Variants in SGCZ observed in about 807,000 individuals in gnomAD.
SGCZ encodes zeta-sarcoglycan.
SGCZ carries 40 observed loss-of-function variants against 41.3 expected under a neutral mutation model. The observed-to-expected ratio is 0.97, with a 90% CI of 0.75 to 1.26. SGCZ has a LOEUF of 1.26. Among genes scored for constraint, SGCZ ranks in the 50% most tolerant of loss-of-function variants. The pLI is 0.00. For synonymous variants in SGCZ, 206 were observed against 137.5 expected (o/e 1.50, Z -3.49); for missense variants, 552 against 369.8 (o/e 1.49, Z -4.04).
At chr8:14,866,246 T>C (rs914914997) in intron 1 of SGCZ, among the ~76,000 whole-genome samples, 2 of 152,182 alleles carry the variant, frequency 1.3e-5, no homozygotes, top group South Asian at 2.1e-4. Flanking sequence ...GTCTAAGTGA[T>C]AATTTTTTAA....
intron 1 of SGCZ, among the ~76,000 whole-genome samples, chr8:14,909,272 C>G (rs780154706): frequency 6.6e-6 from 1 of 152,106 alleles, no homozygotes; most frequent in Non-Finnish European, 1.5e-5. Context: ...GTGAAGCTAT[C>G]GAAAAATCCT....
intron 1 of SGCZ, among the ~76,000 whole-genome samples, chr8:15,140,732 T>C (rs919607482): frequency 1.3e-5 from 2 of 152,250 alleles, no homozygotes; most frequent in African/African-American, 2.4e-5. Context: ...GCTTTCTTTT[T>C]AGTTCAGATT....
intron 3 of SGCZ, among the ~76,000 whole-genome samples, chr8:14,262,111 A>G (rs1256188157): frequency 2.0e-5 from 3 of 152,206 alleles, no homozygotes; most frequent in African/African-American, 4.8e-5. Flanking sequence ...ATGAGTATCA[A>G]TTAGCAAATG....
chr8:14,646,285 G>C (rs1237043807), intron 1 of SGCZ, among the ~76,000 whole-genome samples: 1 of 151,824 alleles, frequency 6.6e-6, no homozygotes, highest in African/African-American at 2.4e-5. Context: ...TCCCACTTAT[G>C]AGCAAGAACA....
chr8:15,109,624 T>C (rs1806969604), intron 1 of SGCZ, among the ~76,000 whole-genome samples: 1 of 152,146 alleles, frequency 6.6e-6, no homozygotes, highest in Non-Finnish European at 1.5e-5. Context: ...CTAAGTTGGT[T>C]AAACTTGATT....
chr8:14,886,338 A>T (rs1339050381), intron 1 of SGCZ, among the ~76,000 whole-genome samples: 1 of 152,198 alleles, frequency 6.6e-6, no homozygotes, highest in South Asian at 2.1e-4. Flanking sequence ...TTATAAAAAC[A>T]AAAATATAAA....
intron 1 of SGCZ, among the ~76,000 whole-genome samples, chr8:14,998,767 G>C (rs757989024): frequency 6.6e-6 from 1 of 152,148 alleles, no homozygotes; most frequent in Non-Finnish European, 1.5e-5. Context: ...AATGTGTTGA[G>C]TGGTTTTCTG....
At chr8:14,825,313 T>C (rs1802263138) in intron 1 of SGCZ, among the ~76,000 whole-genome samples, 1 of 152,218 alleles carries the variant, frequency 6.6e-6, no homozygotes, top group Non-Finnish European at 1.5e-5. Context: ...TCTCTCACTA[T>C]TCTTGTTTTC....
chr8:14,355,212 C>G (rs1803250601), intron 2 of SGCZ, among the ~76,000 whole-genome samples: 1 of 151,984 alleles, frequency 6.6e-6, no homozygotes, highest in South Asian at 2.1e-4. Context: ...TTCATTATAA[C>G]TATGTCAGGA....
chr8:15,105,207 T>C (rs1806777491), intron 1 of SGCZ, among the ~76,000 whole-genome samples: 1 of 152,194 alleles, frequency 6.6e-6, no homozygotes, highest in African/African-American at 2.4e-5. Context: ...CTTTTATTTG[T>C]TGTAAGTGTT....
chr8:14,637,324 T>C (rs1005323381), intron 1 of SGCZ, among the ~76,000 whole-genome samples: 1 of 151,716 alleles, frequency 6.6e-6, no homozygotes, highest in African/African-American at 2.4e-5. Context: ...TTTTTTTTAA[T>C]TTCAACTTTT....
At chr8:14,594,048 G>A (rs1805325895) in intron 1 of SGCZ, among the ~76,000 whole-genome samples, 1 of 151,838 alleles carries the variant, frequency 6.6e-6, no homozygotes, top group South Asian at 2.1e-4. Flanking sequence ...GGTGGCACAC[G>A]CCTGTGGACC....
chr8:15,126,386 A>G (rs1807680513), intron 1 of SGCZ, among the ~76,000 whole-genome samples: 1 of 152,208 alleles, frequency 6.6e-6, no homozygotes, highest in South Asian at 2.1e-4. Context: ...ATTTTTTAAA[A>G]TAAGCTTCGG....
At chr8:14,274,097 C>T (rs1175152374) in intron 3 of SGCZ, among the ~76,000 whole-genome samples, 2 of 152,010 alleles carry the variant, frequency 1.3e-5, no homozygotes, top group East Asian at 1.9e-4. Context: ...TTACTATTCA[C>T]TTGTTTTCTT....
intron 2 of SGCZ, among the ~76,000 whole-genome samples, chr8:14,414,296 T>TA (rs1799438461): frequency 6.6e-6 from 1 of 151,956 alleles, no homozygotes; most frequent in Non-Finnish European, 1.5e-5. Flanking sequence ...TATCTAGACG[T>TA]TACTTAATTT....
At chr8:14,621,292 TG>T (rs1806276814) in intron 1 of SGCZ, among the ~76,000 whole-genome samples, 1 of 65,464 alleles carries the variant, frequency 1.5e-5, no homozygotes, top group Non-Finnish European at 2.7e-5. Context: ...TGTTGTGGGG[TG>T]GGGGGAGGGG....
At chr8:14,849,076 G>T (rs1803230839) in intron 1 of SGCZ, among the ~76,000 whole-genome samples, 3 of 152,070 alleles carry the variant, frequency 2.0e-5, no homozygotes, top group Admixed American at 6.5e-5. Flanking sequence ...CGTGAGGAAA[G>T]ATGTGCAACA....
chr8:14,343,363 A>G (rs1023722366), intron 2 of SGCZ, among the ~76,000 whole-genome samples: 2 of 152,166 alleles, frequency 1.3e-5, no homozygotes, highest in Non-Finnish European at 2.9e-5. Context: ...TGTGCCTGGA[A>G]AAGCCACAGA....
chr8:14,197,244 A>T (rs555930023), intron 4 of SGCZ, among the ~76,000 whole-genome samples: 1 of 152,152 alleles, frequency 6.6e-6, no homozygotes, highest in South Asian at 2.1e-4. Context: ...CTAATTCTCA[A>T]CTAAATGTTC....
Sources: allele counts gnomAD v4.1 joint callset (sites outside exome capture counted in the v4.1 genomes callset), GRCh38; gene constraint gnomAD v4.1.1; transcripts MANE v1.5; gene names NCBI Gene and HGNC (gene_info 2026-07-23, HGNC 2026-07-21).